Variants in RIT2 observed in about 807,000 individuals in gnomAD.
RIT2 encodes Ras like without CAAX 2.
In RIT2, 24 loss-of-function variants were observed where a neutral mutation model predicts 23.7. The ratio of observed to expected loss-of-function variants is 1.01; its 90% CI spans 0.73 to 1.43. The LOEUF (loss-of-function observed/expected upper bound fraction) is 1.43, where lower values mean the gene tolerates loss of function less well. Among genes scored for constraint, RIT2 ranks in the 40% most tolerant of loss-of-function variants. The probability of loss-of-function intolerance (pLI) is 0.00; values close to 1 mark genes in which losing one functional copy is unlikely to be tolerated. For missense variants in RIT2, 236 were observed against 266.9 expected (o/e 0.88, Z 0.81); for synonymous variants, 107 against 91.1 (o/e 1.17, Z -0.99).
chr18:42,821,547 G>C (rs1156782023), intron 4 of RIT2, among the ~76,000 whole-genome samples: 3 of 152,076 alleles, frequency 2.0e-5, no homozygotes, highest in Admixed American at 6.6e-5. Context: ...TGGAAGAGAA[G>C]AGGAGGCACC....
intron 4 of RIT2, among the ~76,000 whole-genome samples, chr18:42,751,028 A>G (rs1006236376): frequency 2.0e-5 from 3 of 151,880 alleles, no homozygotes; most frequent in Non-Finnish European, 4.4e-5. Context: ...GACATTAGTT[A>G]AGGCTTAGAC....
chr18:43,061,845 C>T (rs966090723), intron 1 of RIT2, among the ~76,000 whole-genome samples: 7 of 152,190 alleles, frequency 4.6e-5, no homozygotes, highest in East Asian at 1.9e-4. Context: ...TACCTTATTC[C>T]TCTTTGTTTC....
intron 3 of RIT2, among the ~76,000 whole-genome samples, chr18:42,927,534 A>T (rs958375621): frequency 6.6e-6 from 1 of 152,028 alleles, no homozygotes; most frequent in African/African-American, 2.4e-5. Flanking sequence ...TGTGTTCAAC[A>T]TGTTGCTTCC....
At chr18:42,778,733 T>C (rs1913738478) in intron 4 of RIT2, among the ~76,000 whole-genome samples, 1 of 152,164 alleles carries the variant, frequency 6.6e-6, no homozygotes, top group South Asian at 2.1e-4. Context: ...GATTGAAACA[T>C]TCCAAATGTC....
intron 4 of RIT2, among the ~76,000 whole-genome samples, chr18:42,809,858 T>A (rs1331158863): frequency 8.7e-6 from 1 of 114,540 alleles, no homozygotes; most frequent in Admixed American, 8.0e-5. Flanking sequence ...GTTATATATA[T>A]TATATATAAT....
At chr18:42,982,349 G>A (rs1214307863) in intron 2 of RIT2, among the ~76,000 whole-genome samples, 2 of 152,084 alleles carry the variant, frequency 1.3e-5, no homozygotes, top group Non-Finnish European at 2.9e-5. Flanking sequence ...TGCTGCCAAC[G>A]TTGATGGCAA....
At chr18:42,757,189 A>C (rs184437983) in intron 4 of RIT2, among the ~76,000 whole-genome samples, 30 of 152,312 alleles carry the variant, frequency 2.0e-4, no homozygotes, top group African/African-American at 7.2e-4. Flanking sequence ...AGAAGCTGAA[A>C]TCTCATTTGA....
intron 4 of RIT2, among the ~76,000 whole-genome samples, chr18:42,816,724 T>G (rs1906008670): frequency 6.6e-6 from 1 of 152,124 alleles, no homozygotes; most frequent in Non-Finnish European, 1.5e-5. Context: ...CATCTGATAA[T>G]TAGTTTTCAA....
chr18:42,865,496 C>A (rs1473622022), intron 4 of RIT2, among the ~76,000 whole-genome samples: 1 of 152,114 alleles, frequency 6.6e-6, no homozygotes, highest in East Asian at 1.9e-4. Flanking sequence ...AGGCTTTCCC[C>A]AAATTTATTA....
At chr18:43,094,856 C>CAG (rs1219519642) in intron 1 of RIT2, among the ~76,000 whole-genome samples, 1 of 151,650 alleles carries the variant, frequency 6.6e-6, no homozygotes, top group Non-Finnish European at 1.5e-5. Flanking sequence ...TGATGGTTTC[C>CAG]AGCTTCATCC....
intron 4 of RIT2, among the ~76,000 whole-genome samples, chr18:42,903,885 C>T (rs914883103): frequency 5.0e-4 from 76 of 152,090 alleles, no homozygotes; most frequent in African/African-American, 1.8e-3. Context: ...TATTTTTAAT[C>T]AAAATCAAAG....
intron 2 of RIT2, among the ~76,000 whole-genome samples, chr18:43,025,508 T>C (rs1202866208): frequency 6.6e-6 from 1 of 151,944 alleles, no homozygotes; most frequent in East Asian, 1.9e-4. Context: ...CTATTCACAA[T>C]AGCAATGACA....
intron 3 of RIT2, among the ~76,000 whole-genome samples, chr18:42,933,904 G>C (rs540256429): frequency 2.0e-5 from 3 of 151,894 alleles, no homozygotes; most frequent in African/African-American, 7.2e-5. Context: ...TGTAATCCCA[G>C]CTACTCGGGA....
rs1286936408 is a variant in RIT2, at chr18:42,986,157, G to A, written c.161-12010C>T. 6.7e-5 allele frequency among the ~76,000 whole-genome samples: 10 copies of A among 148,836 alleles called. No homozygotes were observed. The South Asian group carries it at 1.3e-3, about 19-fold the overall frequency. ...TGGGTTCAAGCAATTCTCCTGCCTC[G>A]GCCTCCTGAGTCACTGAGATTACAG... is the stretch of plus-strand genomic sequence containing the variant. On this transcript the variant is annotated intron_variant, in intron 2 of 4. Coordinates refer to ENST00000326695, the MANE Select transcript of RIT2 (RefSeq NM_002930.4).
At chr18:43,059,037 G>C (rs1031849527) in intron 1 of RIT2, among the ~76,000 whole-genome samples, 2 of 151,942 alleles carry the variant, frequency 1.3e-5, no homozygotes, top group African/African-American at 4.8e-5. Flanking sequence ...CCAAAAACGA[G>C]CTTGCACAGG....
intron 4 of RIT2, among the ~76,000 whole-genome samples, chr18:42,859,335 C>T (rs2144047243): frequency 6.6e-6 from 1 of 152,176 alleles, no homozygotes; most frequent in Non-Finnish European, 1.5e-5. Context: ...GCATATTGAC[C>T]ATTTAAAAAA....
At chr18:42,955,680 TTAATTA>T (rs1404055731) in intron 3 of RIT2, among the ~76,000 whole-genome samples, 2 of 152,202 alleles carry the variant, frequency 1.3e-5, no homozygotes, top group East Asian at 1.9e-4. Flanking sequence ...CATGATGTTT[TTAATTA>T]TAATTGTCCT....
chr18:43,114,540 A>G (rs978619205), intron 1 of RIT2, among the ~76,000 whole-genome samples: 1 of 152,110 alleles, frequency 6.6e-6, no homozygotes, highest in Non-Finnish European at 1.5e-5. Flanking sequence ...GAATTCCCAA[A>G]GATATATTCC....
intron 4 of RIT2, among the ~76,000 whole-genome samples, chr18:42,850,658 T>G (rs1288370818): frequency 6.6e-6 from 1 of 152,188 alleles, no homozygotes; most frequent in Non-Finnish European, 1.5e-5. Flanking sequence ...AGAAAAAATA[T>G]TTCATGAGAG....
Sources: gnomAD v4.1 joint callset for allele counts (sites outside exome capture counted in the v4.1 genomes callset) on GRCh38, gnomAD v4.1.1 for gene constraint, MANE v1.5 for transcripts, NCBI Gene and HGNC (gene_info 2026-07-23, HGNC 2026-07-21) for gene names.